The following RANBP2 variants were observed in gnomAD, a reference collection of about 807,000 sequenced individuals.
RANBP2 encodes the protein E3 SUMO-protein ligase RanBP2.
RANBP2 carries 57 observed loss-of-function variants against 303.6 expected under a neutral mutation model. That is an observed-to-expected ratio of 0.19 (90% CI 0.15 to 0.23). The LOEUF is 0.23. RANBP2 is among the 10% of genes least tolerant of loss of function. RANBP2 has a pLI of 1.00. For missense variants in RANBP2, 3,138 were observed against 3,780.8 expected (o/e 0.83, Z 4.46); for synonymous variants, 1,167 against 1,301.5 (o/e 0.90, Z 2.23).
chr2:109,015,118 C>CAAAAAAAA, the RANBP2 span, among the ~76,000 whole-genome samples: 54 of 68,804 alleles, frequency 7.8e-4, 3 homozygotes, highest in African/African-American at 1.2e-3. Flanking sequence ...GACTCCATCT[C>CAAAAAAAA]AAAAAAAAAA....
the RANBP2 span, among the ~76,000 whole-genome samples, chr2:109,273,881 G>T: frequency 6.6e-6 from 1 of 152,136 alleles, no homozygotes; most frequent in African/African-American, 2.4e-5. Flanking sequence ...CAAGTAGGCT[G>T]CTAGATGAAG....
At chr2:109,325,758 G>A in the RANBP2 span, among the ~76,000 whole-genome samples, 3 of 152,182 alleles carry the variant, frequency 2.0e-5, no homozygotes, top group Non-Finnish European at 4.4e-5. Context: ...CTACCAGCCT[G>A]GAGTAGTGTG....
At chr2:109,589,056 G>C in the RANBP2 span, among the ~76,000 whole-genome samples, 3 of 151,922 alleles carry the variant, frequency 2.0e-5, no homozygotes, top group African/African-American at 7.3e-5. Flanking sequence ...TCAGCCTCTG[G>C]AGTAGTTGGG....
At chr2:109,617,589 A>G in the RANBP2 span, 4 of 167,150 alleles carry the variant, frequency 2.4e-5, no homozygotes, top group Admixed American at 2.6e-4. Flanking sequence ...CCTGCAGCCT[A>G]CAGGATAAGG....
chr2:109,272,368 T>G, the RANBP2 span, among the ~76,000 whole-genome samples: 1 of 152,196 alleles, frequency 6.6e-6, no homozygotes, highest in African/African-American at 2.4e-5. Flanking sequence ...GAAGAGCTGG[T>G]GCAGAAGCAG....
chr2:109,708,338 C>A, the RANBP2 span, among the ~76,000 whole-genome samples: 1 of 151,934 alleles, frequency 6.6e-6, no homozygotes, highest in African/African-American at 2.4e-5. Flanking sequence ...CCAACCTGGG[C>A]AACAGAGCAA....
chr2:109,410,215 C>T, the RANBP2 span, among the ~76,000 whole-genome samples: 3 of 152,340 alleles, frequency 2.0e-5, no homozygotes, highest in Middle Eastern at 3.4e-3. Context: ...AGGCTTCCAA[C>T]CAGGGGAGGC....
At chr2:109,641,229 C>G in the RANBP2 span, among the ~76,000 whole-genome samples, 1 of 152,026 alleles carries the variant, frequency 6.6e-6, no homozygotes, top group Non-Finnish European at 1.5e-5. Flanking sequence ...ACCTCTGTCT[C>G]CCAGGTTCAA....
the RANBP2 span, chr2:109,564,331 CCT>C: frequency 6.7e-7 from 1 of 1,483,956 alleles, no homozygotes; most frequent in African/African-American, 1.4e-5. Context: ...TCTCTAACTT[CCT>C]CTTTGGTTGG....
At chr2:109,331,485 C>A in the RANBP2 span, among the ~76,000 whole-genome samples, 3 of 152,078 alleles carry the variant, frequency 2.0e-5, no homozygotes, top group Non-Finnish European at 4.4e-5. Flanking sequence ...TCAGGGCTCC[C>A]GCGTCTACTC....
the RANBP2 span, among the ~76,000 whole-genome samples, chr2:109,688,830 T>C: frequency 6.7e-6 from 1 of 148,960 alleles, no homozygotes; most frequent in African/African-American, 2.5e-5. Context: ...AATTGTTTCC[T>C]CTTCCTCAAT....
chr2:109,464,915 A>C, the RANBP2 span, among the ~76,000 whole-genome samples: 1 of 152,224 alleles, frequency 6.6e-6, no homozygotes, highest in Non-Finnish European at 1.5e-5. Flanking sequence ...GTCCAGCATT[A>C]TAGTATCATA....
At chr2:109,691,845 C>T in the RANBP2 span, among the ~76,000 whole-genome samples, 73 of 151,324 alleles carry the variant, frequency 4.8e-4, no homozygotes, top group Non-Finnish European at 4.4e-4. Context: ...CGCAGTGGCA[C>T]GATCTCGGCT....
intron 6 of RANBP2, among the ~76,000 whole-genome samples, chr2:108,739,401 CCAAAAA>C (rs1371352760): frequency 2.0e-5 from 3 of 151,508 alleles, no homozygotes; most frequent in Admixed American, 6.6e-5. Flanking sequence ...GATTCTGTCT[CCAAAAA>C]CAAAAACAAA....
the RANBP2 span, among the ~76,000 whole-genome samples, chr2:109,444,012 C>G: frequency 3.2e-3 from 487 of 152,260 alleles, 4 homozygotes; most frequent in African/African-American, 0.011. Flanking sequence ...TAAGTTTCAG[C>G]ACATTTAAAG....
At chr2:109,490,678 C>T in the RANBP2 span, 3 of 1,524,186 alleles carry the variant, frequency 2.0e-6, no homozygotes, top group Non-Finnish European at 2.6e-6. Context: ...TCCCCGCCAT[C>T]TGTGTCTCCA....
chr2:109,183,746 C>T, the RANBP2 span, among the ~76,000 whole-genome samples: 1 of 152,210 alleles, frequency 6.6e-6, no homozygotes, highest in African/African-American at 2.4e-5. Context: ...ATCCTCCCAG[C>T]AGCTCGGTCA....
At chr2:109,543,990 T>A in the RANBP2 span, 2 of 656,462 alleles carry the variant, frequency 3.0e-6, no homozygotes, top group Non-Finnish European at 5.1e-6. Context: ...CTGTTTAAAC[T>A]GAACCATCAG....
downstream of RANBP2, chr2:108,787,935 C>CTT: frequency 9.4e-7 from 1 of 1,067,966 alleles, no homozygotes; most frequent in Non-Finnish European, 1.3e-6. Context: ...TTTCTCCACT[C>CTT]TAACCTTTGT....
Sources: gnomAD v4.1 joint callset for allele counts (sites outside exome capture counted in the v4.1 genomes callset) on GRCh38, gnomAD v4.1.1 for gene constraint, MANE v1.5 for transcripts, NCBI Gene and HGNC (gene_info 2026-07-23, HGNC 2026-07-21) for gene names.